Variants in KCNQ1 observed in about 807,000 individuals in gnomAD.
KCNQ1 encodes the protein potassium voltage-gated channel subfamily KQT member 1.
KCNQ1 carries 49 observed loss-of-function variants against 72.4 expected under a neutral mutation model. That is an observed-to-expected ratio of 0.68 (90% CI 0.54 to 0.86). The LOEUF is 0.86. Ranked by LOEUF, KCNQ1 falls within the 40% of genes least tolerant of loss-of-function variation. KCNQ1 has a pLI of 0.00. For missense variants in KCNQ1, 790 were observed against 945.1 expected, an observed-to-expected ratio of 0.84 and a Z score of 2.15; for synonymous variants, 450 against 412.6, an observed-to-expected ratio of 1.09 and a Z score of -1.10.
Position 2,735,041 on chromosome 11 carries a change from C to T in KCNQ1, c.1515-33803C>T, listed in dbSNP as rs1162809727. ...CCTCGGAGGGCACACTAACAAGAGGCACATGTGCCAGGGAAGCCCTGCCTT... is the reference window on the plus strand; with the variant it reads ...CCTCGGAGGGCACACTAACAAGAGGTACATGTGCCAGGGAAGCCCTGCCTT... On this transcript the variant is annotated intron_variant, in intron 11 of 15. Coordinates refer to ENST00000155840, the MANE Select transcript of KCNQ1 (RefSeq NM_000218.3). The surrounding 1 kb of genome is among the most constrained non-coding windows in gnomAD (Gnocchi z 7.7). Among the ~76,000 whole-genome samples, 1 of 152,140 alleles carries T rather than the reference C, an allele frequency of 6.6e-6. No homozygotes were observed. Among genetic ancestry groups the T allele is most frequent in the East Asian group, 1.9e-4 (1 of 5,172 alleles).
At chr11:2,788,838 A>AGCGTTT (rs1459898002) in intron 15 of KCNQ1, among the ~76,000 whole-genome samples, 1 of 152,134 alleles carries the variant, frequency 6.6e-6, no homozygotes, top group Non-Finnish European at 1.5e-5. Flanking sequence ...TAATGAAAGC[A>AGCGTTT]GCGTTTGACG....
chr11:2,549,544 G>A lies in KCNQ1; in HGVS notation c.478-21084G>A, dbSNP rs1203067419. The stretch of plus-strand genomic sequence containing the variant: ...GTGGAGTGTCACCGGGTGTCCCGGC[G>A]TGGGCAGGTCCTGTTGTGGAGCCTC... On this transcript the variant is annotated intron_variant, in intron 2 of 15. Transcript: ENST00000155840. The surrounding 1 kb of genome is among the most constrained non-coding windows in gnomAD (Gnocchi z 6.2). Among the ~76,000 whole-genome samples, 4 of 152,142 alleles carry A rather than the reference G, an allele frequency of 2.6e-5. No individual in the cohort carries two copies. The highest frequency in any genetic ancestry group is 1.9e-4 in the East Asian group (1 of 5,160).
Position 2,459,379 on chromosome 11 carries a change from G to A in KCNQ1, c.386+13895G>A, listed in dbSNP as rs141738447. On this transcript the variant is annotated intron_variant, in intron 1 of 15. Transcript: ENST00000155840. ...AGGGGCAGGGGTGGGGGGCAATCAGGGTTCCTAGAGGACAACCCCATGTAG... is the reference window on the plus strand; with the variant it reads ...AGGGGCAGGGGTGGGGGGCAATCAGAGTTCCTAGAGGACAACCCCATGTAG... Among the ~76,000 whole-genome samples the A allele has an allele frequency of 2.0e-4, 30 of 152,276 alleles. No individual in the cohort carries two copies. The East Asian group carries it at 5.8e-3, about 29-fold the overall frequency.
intron 2 of KCNQ1, among the ~76,000 whole-genome samples, chr11:2,551,318 G>A (rs1847980416): frequency 6.6e-6 from 1 of 152,152 alleles, no homozygotes; most frequent in South Asian, 2.1e-4. Context: ...TGTCCCCATG[G>A]TTTTGCCTTT....
chr11:2,661,619 G>A lies in KCNQ1; in HGVS notation c.1394-342G>A. On this transcript the variant is annotated intron_variant, in intron 10 of 15. Transcript: ENST00000155840. The surrounding 1 kb of genome is among the most constrained non-coding windows in gnomAD (Gnocchi z 5.9). ...TACCAGGCCTGTGCCTGTCACCTCT[G>A]TTTTATTCTTGACCCAAGTGTCAGT... 1 of 589,776 alleles carries A rather than the reference G, an allele frequency of 1.7e-6. No homozygotes were observed. The highest frequency in any genetic ancestry group is 3.0e-6 in the Non-Finnish European group (1 of 331,160). The allele number at this position is 589,776 out of a possible 1,614,324, so 36.5% of individuals were successfully genotyped here. A position where few individuals can be genotyped will look rare whatever the true frequency, so the allele number is the denominator to read the frequency against.
chr11:2,685,335 T>C (rs1165088773), intron 11 of KCNQ1: 1 of 398,556 alleles, frequency 2.5e-6, no homozygotes, highest in Non-Finnish European at 4.4e-6. Flanking sequence ...GACCCAGCCA[T>C]GTCATGGAGG....
intron 15 of KCNQ1, among the ~76,000 whole-genome samples, chr11:2,791,709 G>A (rs1389028214): frequency 2.0e-5 from 3 of 152,086 alleles, no homozygotes; most frequent in African/African-American, 7.2e-5. Context: ...GTGGGGGTGG[G>A]GGGCCCGGGC....
Position 2,621,224 on chromosome 11 carries a change from C to T in KCNQ1, c.1393+32370C>T, listed in dbSNP as rs1230343557. ...AATACCTGACCCCAGATGATCCACGCACCTCAGCCTCCCAAAGTGCTAGGA... is the reference window on the plus strand; with the variant it reads ...AATACCTGACCCCAGATGATCCACGTACCTCAGCCTCCCAAAGTGCTAGGA... On this transcript the variant is annotated intron_variant, in intron 10 of 15. Coordinates refer to ENST00000155840, the MANE Select transcript of KCNQ1 (RefSeq NM_000218.3). The surrounding 1 kb of genome is among the most constrained non-coding windows in gnomAD (Gnocchi z 5.7). The T allele has an allele frequency of 2.5e-6, 1 of 397,892 alleles. No individual in the cohort carries two copies. 24.6% of individuals were successfully genotyped at this position (397,892 alleles called of 1,614,324 possible). A position where few individuals can be genotyped will look rare whatever the true frequency, so the allele number is the denominator to read the frequency against.
At chr11:2,605,874 T>C (rs978486613) in intron 10 of KCNQ1, among the ~76,000 whole-genome samples, 1 of 152,234 alleles carries the variant, frequency 6.6e-6, no homozygotes, top group Non-Finnish European at 1.5e-5. Flanking sequence ...TCCGGGAGTG[T>C]TGCCATCTTA....
At chr11:2,648,647 A>G (rs1488778756) in intron 10 of KCNQ1, 6 of 398,366 alleles carry the variant, frequency 1.5e-5, no homozygotes, top group South Asian at 2.5e-4. Flanking sequence ...ACTTGATAAG[A>G]TTTTGACTTT....
chr11:2,682,294 T>A lies in KCNQ1; in HGVS notation c.1514+20213T>A, dbSNP rs1850411214. 2 of 398,480 alleles carry A rather than the reference T, an allele frequency of 5.0e-6. No homozygotes were observed. The highest frequency in any genetic ancestry group is 2.1e-5 in the African/African-American group (1 of 48,620). 24.7% of individuals were successfully genotyped at this position (398,480 alleles called of 1,614,324 possible). A position where few individuals can be genotyped will look rare whatever the true frequency, so the allele number is the denominator to read the frequency against. ...TAAGACTGGGCTGTAAAAAATCACATACCTCCCCTCCCATTCTTAATGTGT... is the reference window on the plus strand; with the variant it reads ...TAAGACTGGGCTGTAAAAAATCACAAACCTCCCCTCCCATTCTTAATGTGT... On this transcript the variant is annotated intron_variant, in intron 11 of 15. Transcript: ENST00000155840. The surrounding 1 kb of genome is among the most constrained non-coding windows in gnomAD (Gnocchi z 5.8).
rs1008135777 is a variant in KCNQ1 at position 2,803,162 on chromosome 11, C to G, written c.1794+25125C>G. Among the ~76,000 whole-genome samples the G allele has an allele frequency of 9.8e-6, 1 of 102,264 alleles. No individual in the cohort carries two copies. Among genetic ancestry groups the G allele is most frequent in the Non-Finnish European group, 1.9e-5 (1 of 53,360 alleles). The allele number at this position is 102,264 out of a possible 152,430, so 67.1% of individuals were successfully genotyped here. On this transcript the variant is annotated intron_variant, in intron 15 of 15. Transcript: ENST00000155840. The surrounding 1 kb of genome is among the most constrained non-coding windows in gnomAD (Gnocchi z 6.4). ...CCAGAAAACCCAGCCGGGCCCCCCC[C>G]CCCACGGGCACCCAGGAACCGCCCT...
rs1000355321 is a variant in KCNQ1, at chr11:2,526,223, G to T, written c.387-1705G>T. On this transcript the variant is annotated intron_variant, in intron 1 of 15. Coordinates refer to ENST00000155840, the MANE Select transcript of KCNQ1 (RefSeq NM_000218.3). This position sits in a 1 kb window ranked among gnomAD's most constrained non-coding sequence, Gnocchi z 6.1. ...CATGGAGGGTTCACTGACTGGCTGG[G>T]TGTGTGGGCTGGGGGCGCCGAGGGT... Among the ~76,000 whole-genome samples the T allele has an allele frequency of 2.0e-5, 3 of 152,164 alleles. No individual in the cohort carries two copies. Among genetic ancestry groups the T allele is most frequent in the African/African-American group, 7.2e-5 (3 of 41,434 alleles).
Position 2,767,379 on chromosome 11 carries a change from G to A in KCNQ1, c.1515-1465G>A, listed in dbSNP as rs112225903. 2.8e-4 allele frequency among the ~76,000 whole-genome samples: 43 copies of A among 152,232 alleles called. No homozygotes were observed. The highest frequency in any genetic ancestry group is 9.9e-4 in the African/African-American group (41 of 41,546). ...TACATTCCCCAGTACTCTTTCATCA[G>A]TGAAGTCACAAGGTGACCCCAAATT... On this transcript the variant is annotated intron_variant, in intron 11 of 15. Coordinates refer to ENST00000155840, the MANE Select transcript of KCNQ1 (RefSeq NM_000218.3). This position sits in a 1 kb window ranked among gnomAD's most constrained non-coding sequence, Gnocchi z 4.6.
intron 10 of KCNQ1, chr11:2,616,994 A>G (rs1040684794): frequency 2.5e-6 from 1 of 397,614 alleles, no homozygotes; most frequent in Non-Finnish European, 4.4e-6. Flanking sequence ...AAATATGCAT[A>G]TTTAGTGTAT....
At chr11:2,799,401 T>TGTGTGTGG (rs1554924615) in intron 15 of KCNQ1, among the ~76,000 whole-genome samples, 7 of 149,760 alleles carry the variant, frequency 4.7e-5, no homozygotes, top group African/African-American at 9.8e-5. Context: ...TGTGTGTGTG[T>TGTGTGTGG]GGTGTGGTGT....
chr11:2,625,909 C>T (rs1228503542), intron 10 of KCNQ1: 7 of 398,392 alleles, frequency 1.8e-5, no homozygotes, highest in Non-Finnish European at 3.1e-5. Flanking sequence ...TTGGTGATGA[C>T]TTTTAGAAGT....
rs1476689511 is a variant in KCNQ1 at position 2,673,010 on chromosome 11, G to GTGTT, written c.1514+10930_1514+10933dup. On this transcript the variant is annotated intron_variant, in intron 11 of 15. Coordinates refer to ENST00000155840, the MANE Select transcript of KCNQ1 (RefSeq NM_000218.3). The surrounding 1 kb of genome is among the most constrained non-coding windows in gnomAD (Gnocchi z 4.5). ...CTAAAGGAGAAGCCAGTGAATCAAT[G>GTGTT]TGTTACTTGAACAAATATAGGGTCT... 35 of 398,724 alleles carry GTGTT rather than the reference G, an allele frequency of 8.8e-5. No homozygotes were observed. In the East Asian group the frequency reaches 1.2e-3, roughly 14 times the overall value. 24.7% of individuals were successfully genotyped at this position (398,724 alleles called of 1,614,324 possible).
Position 2,447,469 on chromosome 11 carries a change from G to C in KCNQ1, c.386+1985G>C, listed in dbSNP as rs1846057168. 6.6e-6 allele frequency among the ~76,000 whole-genome samples: 1 copy of C among 152,134 alleles called. No individual in the cohort carries two copies. Among genetic ancestry groups the C allele is most frequent in the African/African-American group, 2.4e-5 (1 of 41,426 alleles). ...GGTACCTCCATGTGGGGTGGGACTG[G>C]AGGTGGACCCTGACTGGGCAGGACA... On this transcript the variant is annotated intron_variant, in intron 1 of 15. Coordinates refer to ENST00000155840, the MANE Select transcript of KCNQ1 (RefSeq NM_000218.3). The surrounding 1 kb of genome is among the most constrained non-coding windows in gnomAD (Gnocchi z 7.6).
Sources: gnomAD v4.1 joint callset for allele counts (sites outside exome capture counted in the v4.1 genomes callset) on GRCh38, gnomAD v4.1.1 for gene constraint, Gnocchi (gnomAD v3.1) non-coding constraint, MANE v1.5 for transcripts, NCBI Gene and HGNC (gene_info 2026-07-23, HGNC 2026-07-21) for gene names.